MAGI1: variants seen among roughly 807,000 people sequenced by gnomAD.
MAGI1 encodes the protein membrane associated guanylate kinase, WW and PDZ domain containing 1, also known as membrane-associated guanylate kinase, WW and PDZ domain-containing protein 1.
MAGI1 carries 58 observed loss-of-function variants against 139.9 expected under a neutral mutation model. The ratio of observed to expected loss-of-function variants is 0.41; its 90% confidence interval spans 0.34 to 0.52. MAGI1 has a LOEUF of 0.52. MAGI1 is among the 20% of genes least tolerant of loss of function. The pLI, the probability that MAGI1 is intolerant of heterozygous loss-of-function variation, is 0.12. For synonymous variants in MAGI1, 812 were observed against 737.9 expected, an observed-to-expected ratio of 1.10 and a Z score of -1.63; for missense variants, 1,874 against 1,901.6, an observed-to-expected ratio of 0.99 and a Z score of 0.27.
At chr3:65,472,326 C>T (rs532034802) in intron 4 of MAGI1, among the ~76,000 whole-genome samples, 2 of 152,226 alleles carry the variant, frequency 1.3e-5, no homozygotes, top group South Asian at 4.1e-4. Flanking sequence ...AAAGAATCAC[C>T]TGGAGAGATT....
At chr3:65,497,771 C>T (rs533735647) in intron 2 of MAGI1, among the ~76,000 whole-genome samples, 2 of 152,100 alleles carry the variant, frequency 1.3e-5, no homozygotes, top group African/African-American at 4.8e-5. Flanking sequence ...TGAGAGGATT[C>T]AAAATAATCA....
chr3:65,675,575 A>T (rs1327012833), intron 1 of MAGI1, among the ~76,000 whole-genome samples: 2 of 152,222 alleles, frequency 1.3e-5, no homozygotes, highest in Admixed American at 1.3e-4. Context: ...GTGTATTAAA[A>T]GCAGAACAAA....
intron 1 of MAGI1, among the ~76,000 whole-genome samples, chr3:65,801,665 T>C (rs934919463): frequency 6.6e-6 from 1 of 152,188 alleles, no homozygotes; most frequent in Non-Finnish European, 1.5e-5. Flanking sequence ...CTCAACTCTT[T>C]AAAAAATGCA....
intron 1 of MAGI1, among the ~76,000 whole-genome samples, chr3:66,006,096 A>T (rs1418561412): frequency 6.6e-6 from 1 of 152,180 alleles, no homozygotes; most frequent in African/African-American, 2.4e-5. Flanking sequence ...TTGTGACTTT[A>T]CCACTACCAG....
chr3:65,521,474 T>A (rs2078154053), intron 2 of MAGI1, among the ~76,000 whole-genome samples: 2 of 152,214 alleles, frequency 1.3e-5, no homozygotes, highest in Non-Finnish European at 2.9e-5. Context: ...TTAATAAATA[T>A]TTAAATACAT....
chr3:65,374,532 G>C (rs1035619321), intron 18 of MAGI1, among the ~76,000 whole-genome samples: 9 of 152,038 alleles, frequency 5.9e-5, no homozygotes, highest in African/African-American at 1.9e-4. Context: ...TGGCCAGGCT[G>C]GTCTCAAACT....
intron 1 of MAGI1, among the ~76,000 whole-genome samples, chr3:65,737,763 C>A (rs2034900014): frequency 6.6e-6 from 1 of 152,156 alleles, no homozygotes; most frequent in Non-Finnish European, 1.5e-5. Flanking sequence ...AGTGAGATCA[C>A]TAAATTCTAC....
chr3:65,628,303 C>T (rs1247480562), intron 1 of MAGI1, among the ~76,000 whole-genome samples: 3 of 151,978 alleles, frequency 2.0e-5, no homozygotes, highest in Non-Finnish European at 2.9e-5. Flanking sequence ...TAGGAAGATT[C>T]GGAGGACTCG....
chr3:65,852,027 A>G (rs1252143959), intron 1 of MAGI1, among the ~76,000 whole-genome samples: 1 of 152,214 alleles, frequency 6.6e-6, no homozygotes, highest in East Asian at 1.9e-4. Flanking sequence ...GTAGGAATAA[A>G]AGCGAATACA....
At chr3:66,021,871 T>C (rs538625238) in intron 1 of MAGI1, among the ~76,000 whole-genome samples, 62 of 152,302 alleles carry the variant, frequency 4.1e-4, no homozygotes, top group African/African-American at 1.4e-3. Context: ...AATTCTGATA[T>C]ACTTTCCATT....
At chr3:65,684,001 C>CAAAA (rs1235259524) in intron 1 of MAGI1, among the ~76,000 whole-genome samples, 203 of 86,758 alleles carry the variant, frequency 2.3e-3, no homozygotes, top group African/African-American at 7.3e-3. Flanking sequence ...CCCATGTCTA[C>CAAAA]AAAAAAAAAA....
chr3:65,661,769 A>C (rs1284757266), intron 1 of MAGI1, among the ~76,000 whole-genome samples: 1 of 79,254 alleles, frequency 1.3e-5, no homozygotes, highest in Non-Finnish European at 2.1e-5. Context: ...TTTTTTTGAG[A>C]TGGAGTCTCG....
intron 1 of MAGI1, among the ~76,000 whole-genome samples, chr3:65,797,150 T>G (rs888452068): frequency 2.0e-5 from 3 of 152,226 alleles, no homozygotes; most frequent in African/African-American, 7.2e-5. Flanking sequence ...AATATTAAAG[T>G]CCTCAGTCTC....
intron 1 of MAGI1, among the ~76,000 whole-genome samples, chr3:65,704,225 TTA>T (rs2089806385): frequency 6.6e-6 from 1 of 152,212 alleles, no homozygotes; most frequent in Non-Finnish European, 1.5e-5. Context: ...ACGAACAGGC[TTA>T]GTTTTCCCCA....
intron 2 of MAGI1, among the ~76,000 whole-genome samples, chr3:65,497,551 C>T (rs1428826696): frequency 6.6e-6 from 1 of 151,896 alleles, no homozygotes; most frequent in Non-Finnish European, 1.5e-5. Context: ...GCCTCCATAC[C>T]AAAGTTCCAT....
chr3:65,676,588 T>A (rs1177177188), intron 1 of MAGI1, among the ~76,000 whole-genome samples: 1 of 152,176 alleles, frequency 6.6e-6, no homozygotes, highest in African/African-American at 2.4e-5. Context: ...GTGTCCAGCA[T>A]CTCCATCAAA....
Position 65,358,616 on chromosome 3 carries a change from C to T in MAGI1, c.3635-1484G>A, listed in dbSNP as rs74409262. Among the ~76,000 whole-genome samples, 481 of 152,248 alleles carry T rather than the reference C, an allele frequency of 3.2e-3. 2 individuals carry two copies. Among genetic ancestry groups the T allele is most frequent in the African/African-American group, 0.011 (457 of 41,542 alleles). ...ACACAGGCAACACAAAAGTAATGGG[C>T]GTGCCTATGTGTCAATAAAACTTTA... On this transcript the variant is annotated intron_variant, in intron 22 of 22. Transcript: ENST00000402939.
At chr3:65,422,773 A>T (rs774007457) in intron 12 of MAGI1, among the ~76,000 whole-genome samples, 5 of 152,102 alleles carry the variant, frequency 3.3e-5, no homozygotes, top group African/African-American at 4.8e-5. Context: ...GGGATGAAAT[A>T]ACCTCCGAGC....
chr3:65,545,111 A>T (rs1219574278), intron 2 of MAGI1, among the ~76,000 whole-genome samples: 1 of 152,220 alleles, frequency 6.6e-6, no homozygotes, highest in Non-Finnish European at 1.5e-5. Context: ...ATGGACACAT[A>T]TGAAAACTTC....
Sources: gnomAD v4.1 joint callset for allele counts (sites outside exome capture counted in the v4.1 genomes callset) on GRCh38, gnomAD v4.1.1 for gene constraint, MANE v1.5 for transcripts, NCBI Gene and HGNC (gene_info 2026-07-23, HGNC 2026-07-21) for gene names.